The following KDM5B variants were observed in gnomAD, a reference collection of about 807,000 sequenced individuals.
KDM5B encodes lysine demethylase 5B, also known as lysine-specific demethylase 5B.
A neutral mutation model predicts 193.4 loss-of-function variants in KDM5B; 144 were observed. The ratio of observed to expected loss-of-function variants is 0.74; its 90% CI spans 0.65 to 0.86. KDM5B has a LOEUF of 0.86. KDM5B is among the 40% of genes least tolerant of loss of function. The probability of loss-of-function intolerance (pLI) is 0.00; values close to 1 mark genes in which losing one functional copy is unlikely to be tolerated. For missense variants in KDM5B, 1,833 were observed against 1,886.9 expected (o/e 0.97, Z 0.53); for synonymous variants, 668 against 682.6 (o/e 0.98, Z 0.33).
At chr1:202,764,023 T>A in intron 6 of KDM5B, 26 bp downstream of exon 6, 1 of 1,158,440 alleles carries the variant, frequency 8.6e-7, no homozygotes. Flanking sequence ...ACTTTTTCTT[T>A]CCTATTCATT....
Position 202,808,254 on chromosome 1 carries a change from C to G in KDM5B, c.52G>C (p.Gly18Arg), listed in dbSNP as rs746472618. The change falls in exon 1 of 27, where the codon GGG (glycine) becomes CGG (arginine). Residue 18 changes from glycine (G) to arginine (R), a missense_variant. This residue lies in a region of KDM5B where 355 missense variants were observed against 374.9 expected (regional missense o/e 0.95). Transcript: ENST00000367265. ...HPGPRPALPL[G>R]GPGPLGEFLP... ...AACTCGCCCAGCGGGCCCGGGCCCC[C>G]GAGGGGCAGCGCCGGGCGCGGGCCT... 10 of 1,610,582 alleles carry G rather than the reference C, an allele frequency of 6.2e-6. No individual in the cohort carries two copies. Among genetic ancestry groups the G allele is most frequent in the Non-Finnish European group, 7.6e-6 (9 of 1,178,942 alleles).
rs1656298827 is a variant in KDM5B at position 202,762,680 on chromosome 1, A to G, written c.918+19T>C. On this transcript the variant is annotated intron_variant, in intron 7 of 26. Coordinates refer to ENST00000367265, the MANE Select transcript of KDM5B (RefSeq NM_006618.5). ...AAGGAAAACAGGAAAGAAAAAGGAG[A>G]AAGGGAGATGTCACTCACAGCATTG... The G allele has an allele frequency of 7.5e-7, 1 of 1,331,436 alleles. No individual in the cohort carries two copies. Among genetic ancestry groups the G allele is most frequent in the African/African-American group, 1.4e-5 (1 of 69,516 alleles). The allele number at this position is 1,331,436 out of a possible 1,614,324, so 82.5% of individuals were successfully genotyped here.
Position 202,773,214 on chromosome 1 carries a change from C to A in KDM5B, c.480G>T (p.Gly160=). ...RKWTKIATKM[G]FAPGKAVGSH... ...AGCCCACTGCTTTGCCAGGAGCAAA[C>A]CCCATCTTGGTAGCAATTTTGGTCC... The change falls in exon 4 of 27, where the codon GGG becomes GGT. Residue 160 remains glycine, a synonymous_variant. Transcript: ENST00000367265. 6.2e-7 allele frequency: 1 copy of A among 1,614,024 alleles called. No homozygotes were observed. Among genetic ancestry groups the A allele is most frequent in the Non-Finnish European group, 8.5e-7 (1 of 1,179,864 alleles).
intron 1 of KDM5B, among the ~76,000 whole-genome samples, chr1:202,787,301 C>A (rs990293175): frequency 3.3e-5 from 5 of 152,098 alleles, no homozygotes; most frequent in Admixed American, 6.6e-5. Flanking sequence ...GTGAGCCACC[C>A]ATCCGACCAA....
intron 16 of KDM5B, among the ~76,000 whole-genome samples, chr1:202,744,435 G>A (rs1162478773): frequency 6.6e-6 from 1 of 152,182 alleles, no homozygotes; most frequent in Non-Finnish European, 1.5e-5. Context: ...GCACGTGCCT[G>A]TAGTCCCAGC....
chr1:202,774,571 A>G, intron 3 of KDM5B, 42 bp downstream of exon 3: 2 of 1,565,272 alleles, frequency 1.3e-6, no homozygotes, highest in Non-Finnish European at 1.8e-6. Context: ...TCATTCTGTC[A>G]GTAAGATTAT....
rs975028585 is a variant in KDM5B at position 202,766,561 on chromosome 1, T to C, written c.711+365A>G. On this transcript the variant is annotated intron_variant, in intron 5 of 26. Transcript: ENST00000367265. Reference sequence around the variant, plus strand: ...GGCTTTAACTGTCTTCTAACCACTCTGTTTAAAAAAACTCCTAATCTTCAT... The same window carrying C: ...GGCTTTAACTGTCTTCTAACCACTCCGTTTAAAAAAACTCCTAATCTTCAT... 10 of 421,898 alleles carry C rather than the reference T, an allele frequency of 2.4e-5. No individual in the cohort carries two copies. In the Admixed American group the frequency reaches 3.3e-4, roughly 14 times the overall value. The allele number at this position is 421,898 out of a possible 1,614,324, so 26.1% of individuals were successfully genotyped here.
At chr1:202,733,110 T>A (rs1004620723) in intron 23 of KDM5B, among the ~76,000 whole-genome samples, 2 of 152,186 alleles carry the variant, frequency 1.3e-5, no homozygotes, top group Non-Finnish European at 2.9e-5. Context: ...ATATGTAAAA[T>A]ATAAATGGGT....
rs186093744 is a variant in KDM5B at position 202,725,646 on chromosome 1, T to C, written c.*3390A>G. 3.9e-5 allele frequency: 6 copies of C among 152,346 alleles called. No homozygotes were observed. The highest frequency in any genetic ancestry group is 1.9e-4 in the East Asian group (1 of 5,182). 9.4% of individuals were successfully genotyped at this position (152,346 alleles called of 1,614,324 possible). The stretch of plus-strand genomic sequence containing the variant: ...AGAAGCAATGTTTCATCAGAAGGGA[T>C]TGGGTTTTCGCCAGCACTATGGCAA... On this transcript the variant is annotated 3_prime_UTR_variant, in exon 27 of 27. Transcript: ENST00000367265.
chr1:202,736,967 A>C (rs758201974), intron 20 of KDM5B, among the ~76,000 whole-genome samples: 20 of 152,202 alleles, frequency 1.3e-4, no homozygotes, highest in Non-Finnish European at 2.5e-4. Context: ...CTAGGCTCTA[A>C]GGATACAAAT....
chr1:202,780,447 C>T (rs1455739514), intron 1 of KDM5B, among the ~76,000 whole-genome samples: 1 of 152,118 alleles, frequency 6.6e-6, no homozygotes, highest in Non-Finnish European at 1.5e-5. Flanking sequence ...GCCTAAGCCT[C>T]CCAAAGTGCT....
chr1:202,734,143 C>T (rs574988126), intron 22 of KDM5B, among the ~76,000 whole-genome samples: 2 of 152,212 alleles, frequency 1.3e-5, no homozygotes, highest in East Asian at 3.9e-4. Flanking sequence ...GGATAGGACA[C>T]TCTTTGCCTG....
chr1:202,776,772 G>C (rs1040093829), intron 2 of KDM5B, among the ~76,000 whole-genome samples: 4 of 152,034 alleles, frequency 2.6e-5, no homozygotes, highest in African/African-American at 9.7e-5. Context: ...CCGCTATGTT[G>C]CCCAGGCCAA....
chr1:202,789,240 G>A (rs933963154), intron 1 of KDM5B, among the ~76,000 whole-genome samples: 33 of 152,110 alleles, frequency 2.2e-4, no homozygotes, highest in Non-Finnish European at 3.5e-4. Flanking sequence ...AAGAAGGGCC[G>A]GGCACAGTGG....
intron 22 of KDM5B, among the ~76,000 whole-genome samples, chr1:202,734,874 T>G (rs1655037580): frequency 6.6e-6 from 1 of 152,230 alleles, no homozygotes; most frequent in Non-Finnish European, 1.5e-5. Flanking sequence ...ATTCCCACTC[T>G]AGAACGGGCA....
chr1:202,807,421 C>CG (rs1272680530), intron 1 of KDM5B: 1 of 151,580 alleles, frequency 6.6e-6, no homozygotes, highest in African/African-American at 2.4e-5. Flanking sequence ...GCTGGACCCG[C>CG]GGCTCCTCCC....
At chr1:202,807,652 C>T (rs1412722078) in intron 1 of KDM5B, among the ~76,000 whole-genome samples, 4 of 147,204 alleles carry the variant, frequency 2.7e-5, no homozygotes, top group Non-Finnish European at 6.0e-5. Context: ...CCCCCACCCC[C>T]ACCCCACCCC....
At chr1:202,781,842 A>T (rs1657209100) in intron 1 of KDM5B, among the ~76,000 whole-genome samples, 1 of 152,234 alleles carries the variant, frequency 6.6e-6, no homozygotes, top group Admixed American at 6.5e-5. Flanking sequence ...TGGCCTGAAA[A>T]TTTTAACAAC....
intron 5 of KDM5B, 130 bp downstream of exon 5, chr1:202,766,796 A>T: frequency 1.0e-6 from 1 of 999,928 alleles, no homozygotes; most frequent in African/African-American, 1.7e-5. Context: ...GAATACAAAC[A>T]GCATCCCTTT....
Sources: allele counts gnomAD v4.1 joint callset (sites outside exome capture counted in the v4.1 genomes callset), GRCh38; gene constraint gnomAD v4.1.1; regional missense constraint gnomAD v4.1.1; transcripts MANE v1.5; gene names NCBI Gene and HGNC (gene_info 2026-07-23, HGNC 2026-07-21).